Variants in SERPINB9 observed in about 807,000 individuals in gnomAD.
SERPINB9 encodes serpin B9.
In SERPINB9, 20 loss-of-function variants were observed where a neutral mutation model predicts 27.2. That is an observed-to-expected ratio of 0.74 (90% CI 0.52 to 1.07). The LOEUF (loss-of-function observed/expected upper bound fraction) is 1.07. Ranked by LOEUF, SERPINB9 falls within the 50% of genes least tolerant of loss-of-function variation. The pLI is 0.00. For missense variants in SERPINB9, 476 were observed against 460.1 expected (o/e 1.03, Z -0.32); for synonymous variants, 189 against 180.0 (o/e 1.05, Z -0.40).
Position 2,894,264 on chromosome 6 carries a change from C to T in SERPINB9, c.425-711G>A, listed in dbSNP as rs566999383. On this transcript the variant is annotated intron_variant, in intron 4 of 6. Transcript: ENST00000380698. This position sits in a 1 kb window ranked among gnomAD's most constrained non-coding sequence, Gnocchi z 4.7. Reference sequence around the variant, plus strand: ...GCGAAGAACGTCTCCCATTCTTTACCGTCTCATTTATTCACAGAAATGGAA... The same window carrying T: ...GCGAAGAACGTCTCCCATTCTTTACTGTCTCATTTATTCACAGAAATGGAA... Among the ~76,000 whole-genome samples, 12 of 152,232 alleles carry T rather than the reference C, an allele frequency of 7.9e-5. No homozygotes were observed. Among genetic ancestry groups the T allele is most frequent in the Middle Eastern group, 3.4e-3 (1 of 294 alleles).
intron 3 of SERPINB9, 121 bp from the exon 4 acceptor site, chr6:2,895,629 T>C (rs1561645887): frequency 1.5e-6 from 1 of 678,528 alleles, no homozygotes; most frequent in Non-Finnish European, 2.5e-6. Flanking sequence ...TCTTTAAAAG[T>C]GATCATATGA....
At position 2,887,347 on chromosome 6, in the gene SERPINB9, A is replaced by C. The variant is rs1420715444; in HGVS notation, c.*2816T>G. On this transcript the variant is annotated 3_prime_UTR_variant, in exon 7 of 7. Transcript: ENST00000380698. ...AAAAGGCAATACAAGAATGAGAGAA[A>C]ATATAAAACAGAGGGATAATATCTT... 6.6e-6 allele frequency: 1 copy of C among 152,142 alleles called. No homozygotes were observed. The highest frequency in any genetic ancestry group is 1.5e-5 in the Non-Finnish European group (1 of 68,046). The allele number at this position is 152,142 out of a possible 1,614,324, so 9.4% of individuals were successfully genotyped here.
At chr6:2,899,792 G>C in intron 2 of SERPINB9, 1 of 323,504 alleles carries the variant, frequency 3.1e-6, no homozygotes, top group East Asian at 8.8e-5. Context: ...CAACTCCCAT[G>C]ATGAAGGCGT....
chr6:2,902,097 A>C (rs318492), intron 1 of SERPINB9, among the ~76,000 whole-genome samples: 108,645 of 152,064 alleles, frequency 0.71, 39,662 homozygotes, highest in African/African-American at 0.88. Flanking sequence ...CTTGATCCAG[A>C]CTCACTGAGG....
At chr6:2,895,567 T>C in intron 3 of SERPINB9, 59 bp from the exon 4 acceptor site, 2 of 1,022,680 alleles carry the variant, frequency 2.0e-6, no homozygotes, top group Non-Finnish European at 1.5e-6. Context: ...TCAGCAAACT[T>C]CCAAAAATTC....
In SERPINB9 at chr6:2,889,618, C is replaced by T. The variant is rs1352066514; in HGVS notation, c.*545G>A. 1 of 151,228 alleles carries T rather than the reference C, an allele frequency of 6.6e-6. No homozygotes were observed. Among genetic ancestry groups the T allele is most frequent in the African/African-American group, 2.4e-5 (1 of 41,020 alleles). The allele number at this position is 151,228 out of a possible 1,614,324, so 9.4% of individuals were successfully genotyped here. On this transcript the variant is annotated 3_prime_UTR_variant, in exon 7 of 7. Transcript: ENST00000380698. Reference sequence around the variant, plus strand: ...GCTGAGGCAGGAGAATGGCGTGAACCCGGGAGGCGGAGCTTGCAGTGAGCC... The same window carrying T: ...GCTGAGGCAGGAGAATGGCGTGAACTCGGGAGGCGGAGCTTGCAGTGAGCC...
In SERPINB9 at chr6:2,903,129, C is replaced by G. The variant is rs1768257331; in HGVS notation, c.-11+72G>C. 6.6e-6 allele frequency: 1 copy of G among 152,290 alleles called. No individual in the cohort carries two copies. The highest frequency in any genetic ancestry group is 6.5e-5 in the Admixed American group (1 of 15,288). 9.4% of individuals were successfully genotyped at this position (152,290 alleles called of 1,614,324 possible). On this transcript the variant is annotated intron_variant, in intron 1 of 6. Transcript: ENST00000380698. This position sits in a 1 kb window ranked among gnomAD's most constrained non-coding sequence, Gnocchi z 5.2. ...TCTCCTGTCCTCCGGTCCCATCACT[C>G]GGTGGCAGCCGGTGGACCTGAAGCT...
chr6:2,900,664 T>A, intron 1 of SERPINB9, 43 bp from the exon 2 acceptor site: 1 of 1,548,794 alleles, frequency 6.5e-7, no homozygotes, highest in Non-Finnish European at 8.9e-7. Context: ...CCACACTCCC[T>A]GAATGTTACT....
Position 2,900,885 on chromosome 6 carries a change from T to TCTCTCACACACACACACACACACA in SERPINB9, c.-10-265_-10-264insTGTGTGTGTGTGTGTGTGTGAGAG, listed in dbSNP as rs61100591. The stretch of plus-strand genomic sequence containing the variant: ...TGGCTCGCCTGCAGAGCTCGCTCTC[T>TCTCTCACACACACACACACACACA]CACACACACACACACACACACACAC... On this transcript the variant is annotated intron_variant, in intron 1 of 6. Transcript: ENST00000380698. Among the ~76,000 whole-genome samples, 886 of 141,560 alleles carry TCTCTCACACACACACACACACACA rather than the reference T, an allele frequency of 6.3e-3. 5 individuals carry two copies. The highest frequency in any genetic ancestry group is 0.022 in the Middle Eastern group (6 of 276). 92.9% of individuals were successfully genotyped at this position (141,560 alleles called of 152,430 possible).
At chr6:2,897,619 A>T (rs1452796615) in intron 2 of SERPINB9, among the ~76,000 whole-genome samples, 1 of 152,258 alleles carries the variant, frequency 6.6e-6, no homozygotes, top group Non-Finnish European at 1.5e-5. Flanking sequence ...AGAAAGTAAT[A>T]AAATGCTAAA....
chr6:2,896,239 C>A, intron 2 of SERPINB9, 49 bp from the exon 3 acceptor site: 1 of 1,580,344 alleles, frequency 6.3e-7, no homozygotes, highest in Non-Finnish European at 8.7e-7. Context: ...TCTTTGATGG[C>A]TGGGGAGAGG....
intron 1 of SERPINB9, among the ~76,000 whole-genome samples, chr6:2,902,948 G>T (rs1468407536): frequency 6.6e-6 from 1 of 152,234 alleles, no homozygotes; most frequent in Non-Finnish European, 1.5e-5. Flanking sequence ...GCTTCGGCCA[G>T]GGAAGGGCAG....
At chr6:2,896,722 T>C (rs186526871) in intron 2 of SERPINB9, among the ~76,000 whole-genome samples, 1 of 152,350 alleles carries the variant, frequency 6.6e-6, no homozygotes, top group East Asian at 1.9e-4. Flanking sequence ...GATCATATTC[T>C]CTAACTTCAA....
chr6:2,892,066 C>T, intron 5 of SERPINB9, 78 bp from the exon 6 acceptor site: 1 of 1,234,578 alleles, frequency 8.1e-7, no homozygotes, highest in Non-Finnish European at 1.1e-6. Flanking sequence ...TTTTCAGCAC[C>T]TGTGATGGAA....
At chr6:2,895,902 C>T (rs552381854) in intron 3 of SERPINB9, 151 bp downstream of exon 3, 43 of 764,086 alleles carry the variant, frequency 5.6e-5, no homozygotes, top group South Asian at 3.4e-4. Context: ...GCCTGGGCAA[C>T]GTAGTGAGAC....
intron 1 of SERPINB9, among the ~76,000 whole-genome samples, chr6:2,901,886 G>A (rs1407923931): frequency 1.1e-4 from 17 of 151,904 alleles, no homozygotes. Context: ...AAAACGCCAC[G>A]CAAAGCGCTG....
In SERPINB9 at chr6:2,887,934, T is replaced by G. The variant is rs897795404; in HGVS notation, c.*2229A>C. The G allele has an allele frequency of 6.6e-6, 1 of 152,078 alleles. No individual in the cohort carries two copies. Among genetic ancestry groups the G allele is most frequent in the Non-Finnish European group, 1.5e-5 (1 of 68,022 alleles). 9.4% of individuals were successfully genotyped at this position (152,078 alleles called of 1,614,324 possible). On this transcript the variant is annotated 3_prime_UTR_variant, in exon 7 of 7. Transcript: ENST00000380698. ...TGGCCCTTTTCTAAGTGTACTTCAC[T>G]TTGTTTTCATTCCTCCTCTAAAGCT...
chr6:2,895,619 T>A, intron 3 of SERPINB9, 111 bp from the exon 4 acceptor site: 1 of 703,594 alleles, frequency 1.4e-6, no homozygotes, highest in Non-Finnish European at 2.4e-6. Context: ...TATACATAAC[T>A]CTTTAAAAGT....
At chr6:2,899,800 C>T (rs1039849350) in intron 2 of SERPINB9, 19 of 332,980 alleles carry the variant, frequency 5.7e-5, no homozygotes, top group Admixed American at 8.5e-5. Flanking sequence ...ATGATGAAGG[C>T]GTGTCCAGCG....
Sources: allele counts gnomAD v4.1 joint callset (sites outside exome capture counted in the v4.1 genomes callset), GRCh38; gene constraint gnomAD v4.1.1; non-coding constraint Gnocchi (gnomAD v3.1); transcripts MANE v1.5; gene names NCBI Gene and HGNC (gene_info 2026-07-23, HGNC 2026-07-21).